AQR: variants seen among roughly 807,000 people sequenced by gnomAD.
The protein encoded by AQR is aquarius intron-binding spliceosomal factor, also known as RNA helicase aquarius.
AQR carries 61 observed loss-of-function variants against 180.5 expected under a neutral mutation model. The observed-to-expected ratio is 0.34, with a 90% confidence interval of 0.28 to 0.42. The LOEUF (loss-of-function observed/expected upper bound fraction) is 0.42, where lower values mean the gene tolerates loss of function less well. Among genes scored for constraint, AQR ranks in the 10% least tolerant of loss-of-function variants. The probability of loss-of-function intolerance (pLI) is 1.00; values close to 1 mark genes in which losing one functional copy is unlikely to be tolerated. For missense variants in AQR, 1,281 were observed against 1,798.3 expected (o/e 0.71, Z 5.20); for synonymous variants, 551 against 588.8 (o/e 0.94, Z 0.93).
intron 6 of AQR, chr15:34,943,473 A>G (rs1894059415): frequency 4.0e-6 from 2 of 497,518 alleles, no homozygotes; most frequent in Non-Finnish European, 6.3e-6. Context: ...ATAAATAAAT[A>G]AATAAATAAA....
At chr15:34,873,258 C>G (rs559120806) in intron 30 of AQR, among the ~76,000 whole-genome samples, 1 of 152,036 alleles carries the variant, frequency 6.6e-6, no homozygotes, top group Non-Finnish European at 1.5e-5. Flanking sequence ...GAGAACATTG[C>G]TTTTCATACA....
intron 27 of AQR, among the ~76,000 whole-genome samples, chr15:34,880,947 A>C (rs1400421310): frequency 6.6e-6 from 1 of 152,220 alleles, no homozygotes; most frequent in Non-Finnish European, 1.5e-5. Flanking sequence ...AGTGTGATAA[A>C]AATAAAACTT....
At chr15:34,858,285 T>G (rs1323812084) in intron 34 of AQR, among the ~76,000 whole-genome samples, 3 of 145,084 alleles carry the variant, frequency 2.1e-5, no homozygotes, top group East Asian at 4.0e-4. Flanking sequence ...CGCCTGGCCT[T>G]TAAGATTTTT....
intron 32 of AQR, among the ~76,000 whole-genome samples, chr15:34,866,144 T>C (rs969355096): frequency 2.0e-5 from 3 of 152,114 alleles, no homozygotes; most frequent in African/African-American, 7.2e-5. Context: ...TGCCTATATA[T>C]AAAAGGAAGG....
Position 34,942,305 on chromosome 15 carries a change from T to G in AQR, c.472-225A>C, listed in dbSNP as rs9806459. 6.8e-3 allele frequency among the ~76,000 whole-genome samples: 1,042 copies of G among 152,330 alleles called. 7 individuals carry two copies. The highest frequency in any genetic ancestry group is 0.022 in the African/African-American group (920 of 41,568). On this transcript the variant is annotated intron_variant, in intron 6 of 34. Coordinates refer to ENST00000156471, the MANE Select transcript of AQR (RefSeq NM_014691.3). ...ATTCATATACTAATAAAAATGTATT[T>G]GTAACCCCAAAATCAACACTCCATG...
chr15:34,874,932 G>A, intron 28 of AQR, 68 bp from the exon 29 acceptor site: 1 of 1,427,154 alleles, frequency 7.0e-7, no homozygotes, highest in Non-Finnish European at 9.6e-7. Flanking sequence ...TATTACCCGA[G>A]AGACTCAGTC....
At chr15:34,934,357 T>C (rs1373153370) in intron 10 of AQR, among the ~76,000 whole-genome samples, 1 of 148,308 alleles carries the variant, frequency 6.7e-6, no homozygotes, top group Non-Finnish European at 1.5e-5. Context: ...AATAAATATA[T>C]ACATATTTAC....
intron 9 of AQR, among the ~76,000 whole-genome samples, chr15:34,935,265 G>A (rs1285133003): frequency 6.6e-6 from 1 of 151,774 alleles, no homozygotes; most frequent in Non-Finnish European, 1.5e-5. Context: ...ATTTATTTTT[G>A]TTTTTAAATA....
In AQR at chr15:34,852,800, G is replaced by GA. The variant is rs1008382532; in HGVS notation, c.*3991dup. ...AGTAGTATTTTCTGTAATATATGAT[G>GA]AAAAATAATCGTATCGGCCATCTTT... is the stretch of plus-strand genomic sequence containing the variant. On this transcript the variant is annotated 3_prime_UTR_variant, in exon 35 of 35. Coordinates refer to ENST00000156471, the MANE Select transcript of AQR (RefSeq NM_014691.3). 5 of 152,154 alleles carry GA rather than the reference G, an allele frequency of 3.3e-5. No individual in the cohort carries two copies. The highest frequency in any genetic ancestry group is 1.2e-4 in the African/African-American group (5 of 41,440). The allele number at this position is 152,154 out of a possible 1,614,324, so 9.4% of individuals were successfully genotyped here.
At chr15:34,963,023 C>A (rs1454732171) in intron 2 of AQR, among the ~76,000 whole-genome samples, 1 of 152,188 alleles carries the variant, frequency 6.6e-6, no homozygotes, top group Non-Finnish European at 1.5e-5. Context: ...GTTGCCCAGG[C>A]TGGAGTGCAG....
intron 23 of AQR, among the ~76,000 whole-genome samples, chr15:34,892,651 T>G (rs1893167716): frequency 6.6e-6 from 1 of 152,196 alleles, no homozygotes; most frequent in Admixed American, 6.5e-5. Flanking sequence ...TATCATAAGT[T>G]GAAAATATCC....
chr15:34,865,263 T>C (rs537771184), intron 32 of AQR, among the ~76,000 whole-genome samples: 3 of 152,106 alleles, frequency 2.0e-5, no homozygotes, highest in Non-Finnish European at 4.4e-5. Flanking sequence ...TCAGAACAGG[T>C]TACGTGCATT....
At position 34,852,023 on chromosome 15, in the gene AQR, T is replaced by A. The variant is rs1347991307; in HGVS notation, c.*4769A>T. 6.6e-6 allele frequency: 1 copy of A among 152,168 alleles called. No individual in the cohort carries two copies. The highest frequency in any genetic ancestry group is 2.4e-5 in the African/African-American group (1 of 41,438). 9.4% of individuals were successfully genotyped at this position (152,168 alleles called of 1,614,324 possible). On this transcript the variant is annotated 3_prime_UTR_variant, in exon 35 of 35. Coordinates refer to ENST00000156471, the MANE Select transcript of AQR (RefSeq NM_014691.3). ...ACTACGACATTTTGTACAAATCACT[T>A]CACTTCTGGTTTCCTCTTCGGCTGT...
chr15:34,856,252 A>T lies in AQR; in HGVS notation c.*540T>A. On this transcript the variant is annotated 3_prime_UTR_variant, in exon 35 of 35. Transcript: ENST00000156471. ...TCTTAGGTGATTCTAAGGCATTCTA[A>T]GATTTGAGAGAAGGAAATGCATGTA... The T allele has an allele frequency of 1.1e-5, 3 of 279,882 alleles. No individual in the cohort carries two copies. Among genetic ancestry groups the T allele is most frequent in the Non-Finnish European group, 2.0e-5 (3 of 152,278 alleles). 17.3% of individuals were successfully genotyped at this position (279,882 alleles called of 1,614,324 possible).
intron 23 of AQR, among the ~76,000 whole-genome samples, chr15:34,893,064 ATCCTCTGC>A (rs1170453962): frequency 6.6e-6 from 1 of 152,156 alleles, no homozygotes; most frequent in African/African-American, 2.4e-5. Flanking sequence ...CATTTCATGA[ATCCTCTGC>A]TCCTTCCTTA....
In AQR at chr15:34,873,809, G is replaced by A. The variant is rs1418547292; in HGVS notation, c.3597+19C>T. ...CAGCAAATGCAAAATAAACTTATAAGCTTCCTATTTTTTCTTACCTGATAG... is the reference window on the plus strand; with the variant it reads ...CAGCAAATGCAAAATAAACTTATAAACTTCCTATTTTTTCTTACCTGATAG... On this transcript the variant is annotated intron_variant, in intron 30 of 34. Coordinates refer to ENST00000156471, the MANE Select transcript of AQR (RefSeq NM_014691.3). 1.6e-5 allele frequency: 24 copies of A among 1,537,368 alleles called. No homozygotes were observed. Among genetic ancestry groups the A allele is most frequent in the Middle Eastern group, 1.8e-4 (1 of 5,694 alleles).
intron 31 of AQR, among the ~76,000 whole-genome samples, chr15:34,870,420 A>G (rs1892800139): frequency 6.6e-6 from 1 of 152,236 alleles, no homozygotes; most frequent in East Asian, 1.9e-4. Context: ...CCCTATACAC[A>G]ATAAAAAGCA....
In AQR at chr15:34,881,323, T is replaced by C. The variant is rs117295240; in HGVS notation, c.3165+1179A>G. Among the ~76,000 whole-genome samples, 1,408 of 152,336 alleles carry C rather than the reference T, an allele frequency of 9.2e-3. 14 individuals are homozygous for C. Among genetic ancestry groups the C allele is most frequent in the Middle Eastern group, 0.034 (10 of 294 alleles). On this transcript the variant is annotated intron_variant, in intron 27 of 34. Transcript: ENST00000156471. Reference sequence around the variant, plus strand: ...CAGCTGAGGAACCTTGCATCCAAGATAACAATTTCATCACCTTGAATTTAT... The same window carrying C: ...CAGCTGAGGAACCTTGCATCCAAGACAACAATTTCATCACCTTGAATTTAT...
rs756185138 is a variant in AQR, at chr15:34,897,630, T to C, written c.2319A>G (p.Glu773=). The C allele has an allele frequency of 1.9e-6, 3 of 1,614,128 alleles. No individual in the cohort carries two copies. The highest frequency in any genetic ancestry group is 1.7e-5 in the Admixed American group (1 of 60,022). ...DADVEDEDTE[E]AKTLIVEPHV... Reference sequence around the variant, plus strand: ...GGGGCTCAACAATTAAGGTTTTTGCTTCCTCGGTGTCTTCATCTTCCACAT... The same window carrying C: ...GGGGCTCAACAATTAAGGTTTTTGCCTCCTCGGTGTCTTCATCTTCCACAT... The change falls in exon 21 of 35, where the codon GAA becomes GAG. Residue 773 remains glutamate (E), a synonymous_variant. Coordinates refer to ENST00000156471, the MANE Select transcript of AQR (RefSeq NM_014691.3).
Sources: allele counts gnomAD v4.1 joint callset (sites outside exome capture counted in the v4.1 genomes callset), GRCh38; gene constraint gnomAD v4.1.1; transcripts MANE v1.5; gene names NCBI Gene and HGNC (gene_info 2026-07-23, HGNC 2026-07-21).